MYLK4: variants seen among roughly 807,000 people sequenced by gnomAD.
The protein encoded by MYLK4 is myosin light chain kinase family member 4.
Under a neutral mutation model 48.1 loss-of-function variants are expected in MYLK4, and 46 were observed. The observed-to-expected ratio is 0.96, with a 90% confidence interval of 0.75 to 1.22. The LOEUF (loss-of-function observed/expected upper bound fraction) is 1.22. Ranked by LOEUF, MYLK4 falls within the 50% of genes most tolerant of loss-of-function variation. The pLI, the probability that MYLK4 is intolerant of heterozygous loss-of-function variation, is 0.00. For missense variants in MYLK4, 451 were observed against 486.1 expected, an observed-to-expected ratio of 0.93 and a Z score of 0.68; for synonymous variants, 170 against 180.8, an observed-to-expected ratio of 0.94 and a Z score of 0.48.
At chr6:2,679,930 CA>C (rs1426542264) in intron 8 of MYLK4, among the ~76,000 whole-genome samples, 1 of 152,142 alleles carries the variant, frequency 6.6e-6, no homozygotes, top group Non-Finnish European at 1.5e-5. Flanking sequence ...ACAGATGGAT[CA>C]AATATGAAAG....
the MYLK4 span, among the ~76,000 whole-genome samples, chr6:2,763,259 C>T: frequency 1.3e-5 from 2 of 152,272 alleles, no homozygotes; most frequent in Non-Finnish European, 2.9e-5. Context: ...GACTCAGAAA[C>T]CCAGTTGGCT....
At chr6:2,762,204 T>C in the MYLK4 span, among the ~76,000 whole-genome samples, 1 of 151,674 alleles carries the variant, frequency 6.6e-6, no homozygotes. Context: ...ATATTAATTC[T>C]ATCTCTCTTA....
At chr6:2,765,442 G>T in the MYLK4 span, 3 of 666,994 alleles carry the variant, frequency 4.5e-6, no homozygotes, top group Non-Finnish European at 6.2e-6. Flanking sequence ...GGCCGAGGGC[G>T]GGCGGACGCG....
intron 2 of MYLK4, among the ~76,000 whole-genome samples, chr6:2,741,904 G>A (rs1190398289): frequency 1.3e-5 from 2 of 152,190 alleles, no homozygotes; most frequent in African/African-American, 2.4e-5. Context: ...CCACATGGAA[G>A]ATGAAAGCCC....
chr6:2,729,691 G>A (rs1048309008), intron 2 of MYLK4, among the ~76,000 whole-genome samples: 3 of 152,112 alleles, frequency 2.0e-5, no homozygotes, highest in African/African-American at 7.2e-5. Context: ...CACTGGGGAG[G>A]GGGTGAAGGC....
intron 7 of MYLK4, among the ~76,000 whole-genome samples, chr6:2,682,671 G>T (rs1194521629): frequency 6.6e-6 from 1 of 152,186 alleles, no homozygotes. Context: ...GGAATTCTGA[G>T]TTAGCTAAAA....
chr6:2,675,028 A>G lies in MYLK4; in HGVS notation c.1119+19T>C. 1 of 1,590,440 alleles carries G rather than the reference A, an allele frequency of 6.3e-7. No homozygotes were observed. Among genetic ancestry groups the G allele is most frequent in the Non-Finnish European group, 8.6e-7 (1 of 1,158,226 alleles). On this transcript the variant is annotated intron_variant, in intron 11 of 12. Transcript: ENST00000274643. ...AGGCAGACAGGAGAAAAAGAGGAAG[A>G]GCAAGAAGCCGTGGTCACCTGGGCA...
chr6:2,764,007 C>T, the MYLK4 span, among the ~76,000 whole-genome samples: 2 of 152,218 alleles, frequency 1.3e-5, no homozygotes, highest in East Asian at 1.9e-4. Flanking sequence ...TGGCGGACGC[C>T]CGTAATTCCA....
chr6:2,753,173 G>A (rs1184007495), upstream of MYLK4, among the ~76,000 whole-genome samples: 2 of 152,174 alleles, frequency 1.3e-5, no homozygotes, highest in South Asian at 2.1e-4. Context: ...ACAGAGCCAT[G>A]GAAAAGAATC....
chr6:2,745,273 G>C (rs1337934501), intron 2 of MYLK4, among the ~76,000 whole-genome samples: 2 of 152,064 alleles, frequency 1.3e-5, no homozygotes, highest in African/African-American at 4.8e-5. Flanking sequence ...CAACACGAGG[G>C]CTATTTACTA....
intron 2 of MYLK4, among the ~76,000 whole-genome samples, chr6:2,740,673 C>T (rs1326800998): frequency 2.0e-5 from 3 of 152,204 alleles, no homozygotes; most frequent in Non-Finnish European, 4.4e-5. Context: ...TTGGGCTCTG[C>T]TTTCTGGTAG....
chr6:2,763,004 A>C, the MYLK4 span, among the ~76,000 whole-genome samples: 1 of 152,196 alleles, frequency 6.6e-6, no homozygotes, highest in African/African-American at 2.4e-5. Flanking sequence ...AAGCAAAAGA[A>C]AGCCAAGCGG....
intron 10 of MYLK4, among the ~76,000 whole-genome samples, chr6:2,675,888 C>T (rs2113098447): frequency 1.3e-5 from 2 of 152,070 alleles, no homozygotes; most frequent in African/African-American, 4.8e-5. Flanking sequence ...ATCAGGAGTT[C>T]AAGACCAGTC....
intron 2 of MYLK4, among the ~76,000 whole-genome samples, chr6:2,706,266 T>C (rs1762485518): frequency 6.6e-6 from 1 of 152,188 alleles, no homozygotes; most frequent in Non-Finnish European, 1.5e-5. Context: ...TTGTGTTAGG[T>C]ATTTGTATAA....
chr6:2,715,581 C>T (rs1461613719), intron 2 of MYLK4, among the ~76,000 whole-genome samples: 1 of 152,118 alleles, frequency 6.6e-6, no homozygotes, highest in Non-Finnish European at 1.5e-5. Flanking sequence ...TACCTGAGTA[C>T]AGGGGACTTG....
chr6:2,676,638 C>T (rs923703166), intron 10 of MYLK4, among the ~76,000 whole-genome samples: 1 of 152,188 alleles, frequency 6.6e-6, no homozygotes, highest in Non-Finnish European at 1.5e-5. Context: ...GACTGGAATT[C>T]TAAGCCAGTT....
chr6:2,688,162 G>T (rs2004624), intron 4 of MYLK4, among the ~76,000 whole-genome samples: 5 of 151,552 alleles, frequency 3.3e-5, no homozygotes, highest in Admixed American at 6.6e-5. Context: ...TGGTTCAAGC[G>T]ATTCTCCTGC....
At chr6:2,722,110 G>A (rs1031757) in intron 2 of MYLK4, among the ~76,000 whole-genome samples, 67,903 of 152,066 alleles carry the variant, frequency 0.45, 16,036 homozygotes, top group East Asian at 0.57. Context: ...TCAGATACCA[G>A]CTGTGCTTCA....
At chr6:2,682,171 G>C (rs1170587029) in intron 7 of MYLK4, among the ~76,000 whole-genome samples, 1 of 152,196 alleles carries the variant, frequency 6.6e-6, no homozygotes, top group Non-Finnish European at 1.5e-5. Context: ...GAATGCAATA[G>C]ATGGGATGTT....
Sources: gnomAD v4.1 joint callset for allele counts (sites outside exome capture counted in the v4.1 genomes callset) on GRCh38, gnomAD v4.1.1 for gene constraint, MANE v1.5 for transcripts, NCBI Gene and HGNC (gene_info 2026-07-23, HGNC 2026-07-21) for gene names.